Variants in ABI3BP observed in about 807,000 individuals in gnomAD.
ABI3BP encodes the protein target of Nesh-SH3.
ABI3BP carries 216 observed loss-of-function variants against 268.6 expected under a neutral mutation model. The observed-to-expected ratio is 0.80, with a 90% CI of 0.72 to 0.90. The LOEUF is 0.90. ABI3BP is among the 40% of genes least tolerant of loss of function. The probability of loss-of-function intolerance (pLI) is 0.00; values close to 1 mark genes in which losing one functional copy is unlikely to be tolerated. For synonymous variants in ABI3BP, 730 were observed against 730.0 expected (o/e 1.00, Z 0.00); for missense variants, 2,090 against 2,182.4 (o/e 0.96, Z 0.84).
At chr3:100,840,596 G>C (rs559290030) in intron 22 of ABI3BP, among the ~76,000 whole-genome samples, 4 of 152,184 alleles carry the variant, frequency 2.6e-5, no homozygotes, top group African/African-American at 9.6e-5. Flanking sequence ...TATGCAGAAG[G>C]CTTTAAATTC....
Position 100,811,744 on chromosome 3 carries a change from C to T in ABI3BP, c.3477G>A (p.Glu1159=), listed in dbSNP as rs1221213559. The change falls in exon 47 of 68, where the codon GAG becomes GAA. Residue 1159 remains glutamate, a synonymous_variant. Transcript: ENST00000471714. ...CTTTGCTACCTTCAGTCTTTGGCTCCTCTGGCCAGAGTGGTGCTTTGGCAG... is the reference window on the plus strand; with the variant it reads ...CTTTGCTACCTTCAGTCTTTGGCTCTTCTGGCCAGAGTGGTGCTTTGGCAG... ...YPTAKAPLWP[E]EPKTEVVESI... 2 of 1,535,328 alleles carry T rather than the reference C, an allele frequency of 1.3e-6. No homozygotes were observed. The highest frequency in any genetic ancestry group is 1.7e-6 in the Non-Finnish European group (2 of 1,146,456).
chr3:100,829,538 G>T, intron 33 of ABI3BP, 43 bp downstream of exon 33: 5 of 1,480,918 alleles, frequency 3.4e-6, no homozygotes, highest in South Asian at 2.4e-5. Context: ...GGTCCCACTG[G>T]GGTGGGCTGT....
intron 67 of ABI3BP, 96 bp downstream of exon 67, chr3:100,751,456 T>C (rs1158329516): frequency 3.0e-6 from 4 of 1,328,328 alleles, no homozygotes; most frequent in South Asian, 1.9e-5. Flanking sequence ...AGTAGTACTA[T>C]AGAATTCTTT....
chr3:100,894,964 A>AAAAAAAAAAAAAAAAC (rs2046866609), intron 4 of ABI3BP, among the ~76,000 whole-genome samples: 1 of 144,024 alleles, frequency 6.9e-6, no homozygotes, highest in Admixed American at 7.0e-5. Context: ...AAAAAAAAAA[A>AAAAAAAAAAAAAAAAC]AAACAGAAAA....
chr3:100,829,605 G>T lies in ABI3BP; in HGVS notation c.2518C>A (p.Pro840Thr), dbSNP rs948384734. The T allele has an allele frequency of 7.8e-6, 12 of 1,535,530 alleles. No homozygotes were observed. In the African/African-American group the frequency reaches 1.4e-4, roughly 18 times the overall value. Reference sequence around the variant, plus strand: ...CCCAGTTCAGTCTGAAGCTCTTCGGGACTCAGTGTGGTTTTAGGTTTGGGA... The same window carrying T: ...CCCAGTTCAGTCTGAAGCTCTTCGGTACTCAGTGTGGTTTTAGGTTTGGGA... The part of the protein sequence containing the change: ...PHPKPKTTLS[P>T]EELQTELVPA... Residue 840 changes from proline to threonine, a missense_variant, in exon 33 of 68, where the codon CCC (proline) becomes ACC (threonine). Coordinates refer to ENST00000471714, the MANE Select transcript of ABI3BP (RefSeq NM_001375547.2).
intron 2 of ABI3BP, chr3:100,912,235 G>T (rs191860359): frequency 8.6e-6 from 1 of 115,712 alleles, no homozygotes; most frequent in African/African-American, 3.5e-5. Flanking sequence ...AATCTAAAAC[G>T]CGTCTAAAAC....
At chr3:100,989,580 T>A (rs2092586663) in intron 1 of ABI3BP, among the ~76,000 whole-genome samples, 1 of 152,234 alleles carries the variant, frequency 6.6e-6, no homozygotes, top group Non-Finnish European at 1.5e-5. Context: ...AAGATCCTCA[T>A]GCCCTCTGGC....
intron 57 of ABI3BP, among the ~76,000 whole-genome samples, chr3:100,784,227 C>T (rs1007539429): frequency 5.3e-5 from 8 of 152,158 alleles, no homozygotes; most frequent in African/African-American, 1.9e-4. Flanking sequence ...GCCTCAGAAT[C>T]TGTTTTTCCT....
Position 100,815,893 on chromosome 3 carries a change from A to C in ABI3BP, c.3289+19T>G. 1 of 1,515,166 alleles carries C rather than the reference A, an allele frequency of 6.6e-7. No homozygotes were observed. Among genetic ancestry groups the C allele is most frequent in the Non-Finnish European group, 8.8e-7 (1 of 1,139,416 alleles). The allele number at this position is 1,515,166 out of a possible 1,614,324, so 93.9% of individuals were successfully genotyped here. On this transcript the variant is annotated intron_variant, in intron 44 of 67. Coordinates refer to ENST00000471714, the MANE Select transcript of ABI3BP (RefSeq NM_001375547.2). Reference sequence around the variant, plus strand: ...AATGGCAATAAAAAGCATTTAATGCAAGTCACAAAAATCATTACCAAATGT... The same window carrying C: ...AATGGCAATAAAAAGCATTTAATGCCAGTCACAAAAATCATTACCAAATGT...
rs79694346 is a variant in ABI3BP, at chr3:100,910,086, A to C, written c.260-7400T>G. Among the ~76,000 whole-genome samples the C allele has an allele frequency of 9.7e-3, 1,481 of 152,334 alleles. 20 individuals are homozygous for C. Among genetic ancestry groups the C allele is most frequent in the African/African-American group, 0.033 (1,385 of 41,570 alleles). On this transcript the variant is annotated intron_variant, in intron 2 of 67. Coordinates refer to ENST00000471714, the MANE Select transcript of ABI3BP (RefSeq NM_001375547.2). ...CATATACACTATGCAGCCATAAAAA[A>C]GGATGAGTTCATGTCCTTTGCGGGG...
chr3:100,882,950 G>T (rs1325960883), intron 6 of ABI3BP, among the ~76,000 whole-genome samples: 1 of 152,142 alleles, frequency 6.6e-6, no homozygotes, highest in African/African-American at 2.4e-5. Context: ...AGAAGAGGAT[G>T]AAAGAGCAAT....
intron 1 of ABI3BP, among the ~76,000 whole-genome samples, chr3:100,944,067 A>G (rs1034856844): frequency 6.6e-6 from 1 of 152,116 alleles, no homozygotes; most frequent in African/African-American, 2.4e-5. Flanking sequence ...TAAATACTGG[A>G]CACTGATACT....
At chr3:100,892,208 A>T (rs560840121) in intron 4 of ABI3BP, among the ~76,000 whole-genome samples, 2 of 152,324 alleles carry the variant, frequency 1.3e-5, no homozygotes, top group South Asian at 4.1e-4. Flanking sequence ...GGAAGCTAGA[A>T]TTACCAGCGT....
intron 1 of ABI3BP, among the ~76,000 whole-genome samples, chr3:100,985,297 G>C (rs1173248854): frequency 1.3e-5 from 2 of 151,552 alleles, no homozygotes; most frequent in Admixed American, 6.6e-5. Context: ...CTATGGGCAC[G>C]TGCCACCATG....
chr3:100,992,873 T>C lies in ABI3BP; in HGVS notation c.79+433A>G, dbSNP rs565353404. ...TCAGCTTCCTGGTCAACAGGTATGT[T>C]TGAGGTTCACACCAAAGATTCAAGG... On this transcript the variant is annotated intron_variant, in intron 1 of 67. Transcript: ENST00000471714. Among the ~76,000 whole-genome samples the C allele has an allele frequency of 2.0e-5, 3 of 152,330 alleles. No homozygotes were observed. The East Asian group carries it at 5.8e-4, about 29-fold the overall frequency.
rs764125945 is a variant in ABI3BP, at chr3:100,830,614, G to A, written c.2422C>T (p.Pro808Ser). The change falls in exon 32 of 68, where the codon CCA (proline) becomes TCA (serine). Residue 808 changes from proline to serine, a missense_variant. Pro to Ser is a moderately conservative substitution (Grantham distance 74). Transcript: ENST00000471714. ...CCTGAAGCCTCAGTTCTAAGAACTG[G>A]TTCGAGGATTGTGGCAGGAACTGAT... ...TKLVPATILE[P>S]VLRTEASGTT... is the part of the protein sequence containing the mutation. The A allele has an allele frequency of 6.5e-7, 1 of 1,533,170 alleles. No individual in the cohort carries two copies. The highest frequency in any genetic ancestry group is 2.4e-5 in the East Asian group (1 of 40,886). 95.0% of individuals were successfully genotyped at this position (1,533,170 alleles called of 1,614,324 possible). A position where few individuals can be genotyped will look rare whatever the true frequency, so the allele number is the denominator to read the frequency against.
chr3:100,830,237 A>G (rs1190992824), intron 32 of ABI3BP, among the ~76,000 whole-genome samples: 1 of 147,350 alleles, frequency 6.8e-6, no homozygotes, highest in Non-Finnish European at 1.5e-5. Context: ...AGCTGTGCCG[A>G]TTTACTCAGT....
At chr3:100,807,671 T>C (rs1476022031) in intron 50 of ABI3BP, among the ~76,000 whole-genome samples, 1 of 151,998 alleles carries the variant, frequency 6.6e-6, no homozygotes, top group Non-Finnish European at 1.5e-5. Context: ...GGATCAAACA[T>C]AATGTGATGG....
intron 62 of ABI3BP, among the ~76,000 whole-genome samples, chr3:100,770,474 G>A (rs1299990510): frequency 3.3e-5 from 5 of 152,110 alleles, no homozygotes; most frequent in Non-Finnish European, 5.9e-5. Flanking sequence ...CTTCTTCATT[G>A]TGTGAAAAAG....
Sources: gnomAD v4.1 joint callset for allele counts (sites outside exome capture counted in the v4.1 genomes callset) on GRCh38, gnomAD v4.1.1 for gene constraint, MANE v1.5 for transcripts, NCBI Gene and HGNC (gene_info 2026-07-23, HGNC 2026-07-21) for gene names.